Variants in UTP11 observed in about 807,000 individuals in gnomAD.
The protein encoded by UTP11 is probable U3 small nucleolar RNA-associated protein 11.
A neutral mutation model predicts 39.0 loss-of-function variants in UTP11; 29 were observed. The ratio of observed to expected loss-of-function variants is 0.74; its 90% CI spans 0.55 to 1.01. The LOEUF (loss-of-function observed/expected upper bound fraction) is 1.01, where lower values mean the gene tolerates loss of function less well. Among genes scored for constraint, UTP11 ranks in the 50% least tolerant of loss-of-function variants. The pLI, the probability that UTP11 is intolerant of heterozygous loss-of-function variation, is 0.00. For missense variants in UTP11, 281 were observed against 306.0 expected (o/e 0.92, Z 0.61); for synonymous variants, 111 against 105.0 (o/e 1.06, Z -0.35).
intron 6 of UTP11, among the ~76,000 whole-genome samples, chr1:38,019,681 G>A (rs1000085597): frequency 6.6e-6 from 1 of 151,994 alleles, no homozygotes; most frequent in Non-Finnish European, 1.5e-5. Flanking sequence ...ATGGGGTTTC[G>A]CCATGTTGGC....
At chr1:38,018,260 G>A (rs377721756) in intron 3 of UTP11, among the ~76,000 whole-genome samples, 8 of 151,926 alleles carry the variant, frequency 5.3e-5, no homozygotes, top group African/African-American at 1.7e-4. Flanking sequence ...TAGTAGAGAC[G>A]GGGTTTCACC....
intron 6 of UTP11, among the ~76,000 whole-genome samples, chr1:38,020,547 TA>T (rs1007102537): frequency 1.3e-5 from 2 of 151,250 alleles, no homozygotes. Context: ...ACTGATTCAT[TA>T]AAAAAAAATG....
In UTP11 at chr1:38,018,504, C is replaced by T. The variant is rs747394464; in HGVS notation, c.269C>T (p.Thr90Ile). The T allele has an allele frequency of 1.2e-6, 2 of 1,613,696 alleles. No homozygotes were observed. The highest frequency in any genetic ancestry group is 2.7e-5 in the African/African-American group (2 of 74,948). ...HIIKETKEEV[T>I]PEQLKLMRTQ... Reference sequence around the variant, plus strand: ...ATTAAGGAGACTAAGGAAGAAGTAACCCCAGAACAACTAAAGCTGATGAGA... The same window carrying T: ...ATTAAGGAGACTAAGGAAGAAGTAATCCCAGAACAACTAAAGCTGATGAGA... The change falls in exon 4 of 8, where the codon ACC (threonine) becomes ATC (isoleucine). Residue 90 changes from threonine (T) to isoleucine (I), a missense_variant. Coordinates refer to ENST00000373014, the MANE Select transcript of UTP11 (RefSeq NM_016037.4).
rs771432658 is a variant in UTP11 at position 38,017,746 on chromosome 1, C to A, written c.204C>A (p.Tyr68Ter). ...AAAAAAATCCAGATGAATTCTACTA[C>A]AAAATGACTCGGGTTAAACTCCAGG... ...ALEKNPDEFY[Y>*]KMTRVKLQDG... The change falls in exon 3 of 8, where the codon TAC (tyrosine) becomes TAA (stop). Residue 68 changes from tyrosine to a stop codon, truncating the protein, a stop_gained. Transcript: ENST00000373014. LOFTEE classifies it high-confidence loss of function. The A allele has an allele frequency of 6.2e-7, 1 of 1,609,238 alleles. No individual in the cohort carries two copies. The highest frequency in any genetic ancestry group is 1.1e-5 in the South Asian group (1 of 90,674).
intron 2 of UTP11, chr1:38,016,855 A>C (rs1646709928): frequency 5.9e-6 from 1 of 169,236 alleles, no homozygotes; most frequent in African/African-American, 2.4e-5. Flanking sequence ...GTGGGTGATA[A>C]TGAACTCTGA....
At chr1:38,017,522 A>G in intron 2 of UTP11, 146 bp from the exon 3 acceptor site, 1 of 586,542 alleles carries the variant, frequency 1.7e-6, no homozygotes, top group Non-Finnish European at 3.0e-6. Flanking sequence ...GAGTGTCCAG[A>G]TCCAGTCAGT....
Position 38,022,679 on chromosome 1 carries a change from T to C in UTP11, c.568-20T>C. On this transcript the variant is annotated intron_variant, in intron 6 of 7. Transcript: ENST00000373014. ...TGTCCTGTTCATTGTTCACTGAGAA[T>C]GTGTGTGTTTCTTCTCCAGCGAATA... The C allele has an allele frequency of 6.5e-7, 1 of 1,546,242 alleles. No individual in the cohort carries two copies. The highest frequency in any genetic ancestry group is 1.1e-5 in the South Asian group (1 of 89,248).
In UTP11 at chr1:38,018,571, A is replaced by G. The variant is rs774331804; in HGVS notation, c.336A>G (p.Glu112=). ...ATATAGAAATGAAGAGGGTTGCAGA[A>G]GCTAAGGTAATTCACTCTTTGTTCT... is the stretch of plus-strand genomic sequence containing the variant. ...VKYIEMKRVA[E]AKKIERLKSE... Residue 112 remains glutamate, a synonymous_variant, in exon 4 of 8, where the codon GAA becomes GAG. Coordinates refer to ENST00000373014, the MANE Select transcript of UTP11 (RefSeq NM_016037.4). The G allele has an allele frequency of 6.2e-7, 1 of 1,608,976 alleles. No homozygotes were observed. Among genetic ancestry groups the G allele is most frequent in the African/African-American group, 1.3e-5 (1 of 74,774 alleles).
intron 4 of UTP11, 72 bp downstream of exon 4, chr1:38,018,649 T>C: frequency 8.8e-7 from 1 of 1,138,194 alleles, no homozygotes; most frequent in South Asian, 1.4e-5. Flanking sequence ...TCTCAAGTTA[T>C]TCATTAATTT....
chr1:38,015,263 C>T (rs535400829), intron 1 of UTP11, among the ~76,000 whole-genome samples: 22 of 152,132 alleles, frequency 1.4e-4, no homozygotes, highest in Non-Finnish European at 2.8e-4. Context: ...CTCAGATGCC[C>T]CACCCACCGT....
chr1:38,021,435 T>TG (rs1646737094), intron 6 of UTP11, among the ~76,000 whole-genome samples: 1 of 152,210 alleles, frequency 6.6e-6, no homozygotes. Context: ...AGACTGCTGG[T>TG]GGGTGGATTG....
At chr1:38,023,463 T>G in intron 7 of UTP11, 82 bp from the exon 8 acceptor site, 1 of 1,237,144 alleles carries the variant, frequency 8.1e-7, no homozygotes, top group Non-Finnish European at 1.2e-6. Flanking sequence ...CTGAAGCAGG[T>G]GCTAATAGGT....
chr1:38,018,547 T>G lies in UTP11; in HGVS notation c.312T>G (p.Tyr104Ter). 6.2e-7 allele frequency: 1 copy of G among 1,613,750 alleles called. No homozygotes were observed. The highest frequency in any genetic ancestry group is 8.5e-7 in the Non-Finnish European group (1 of 1,179,852). Residue 104 changes from tyrosine to a stop codon, truncating the protein, a stop_gained, in exon 4 of 8, where the codon TAT becomes TAG. Transcript: ENST00000373014. LOFTEE classifies it high-confidence loss of function. Reference sequence around the variant, plus strand: ...TGATGAGAACTCAGGACGTCAAATATATAGAAATGAAGAGGGTTGCAGAAG... The same window carrying G: ...TGATGAGAACTCAGGACGTCAAATAGATAGAAATGAAGAGGGTTGCAGAAG... ...LKLMRTQDVK[Y>*]IEMKRVAEAK...
In UTP11 at chr1:38,023,826, G is replaced by T; in HGVS notation, c.*198G>T. On this transcript the variant is annotated 3_prime_UTR_variant, in exon 8 of 8. Transcript: ENST00000373014. ...TAATTGTTTTTGGATTGTGAAATTA[G>T]TCTTATTTTTATATACTTAATTTTT... 2.3e-6 allele frequency: 1 copy of T among 435,182 alleles called. No homozygotes were observed. Among genetic ancestry groups the T allele is most frequent in the Non-Finnish European group, 4.0e-6 (1 of 250,936 alleles). 27.0% of individuals were successfully genotyped at this position (435,182 alleles called of 1,614,324 possible). A position where few individuals can be genotyped will look rare whatever the true frequency, so the allele number is the denominator to read the frequency against.
intron 2 of UTP11, 63 bp downstream of exon 2, chr1:38,016,483 C>T: frequency 1.3e-6 from 2 of 1,546,848 alleles, no homozygotes; most frequent in East Asian, 4.5e-5. Flanking sequence ...TGCACTGCAG[C>T]TGAATTGCCT....
chr1:38,019,415 C>A (rs201425543), intron 6 of UTP11, 32 bp downstream of exon 6: 8 of 1,481,130 alleles, frequency 5.4e-6, no homozygotes, highest in Non-Finnish European at 7.2e-6. Flanking sequence ...CACATGTGAG[C>A]TTAGGGGAAT....
rs1192024769 is a variant in UTP11 at position 38,023,600 on chromosome 1, A to G, written c.734A>G (p.Tyr245Cys). 1.9e-6 allele frequency: 3 copies of G among 1,611,072 alleles called. No homozygotes were observed. The highest frequency in any genetic ancestry group is 2.5e-6 in the Non-Finnish European group (3 of 1,178,866). ...KKETVNSPAI[Y>C]KFQSRRKR ...GAAACGGTGAACTCCCCAGCTATTT[A>G]TAAATTTCAGAGTCGTCGAAAACGT... Residue 245 changes from tyrosine (Y) to cysteine (C), a missense_variant, in exon 8 of 8, where the codon TAT (tyrosine) becomes TGT (cysteine). By Grantham distance (194) the Tyr-to-Cys change is radical. Coordinates refer to ENST00000373014, the MANE Select transcript of UTP11 (RefSeq NM_016037.4).
intron 6 of UTP11, 60 bp downstream of exon 6, chr1:38,019,443 GTTTT>G (rs869306672): frequency 3.1e-6 from 3 of 956,132 alleles, no homozygotes; most frequent in Non-Finnish European, 4.1e-6. Flanking sequence ...TTTTTTTTTT[GTTTT>G]TTTTTTTTTG....
At chr1:38,021,872 G>A (rs955086356) in intron 6 of UTP11, among the ~76,000 whole-genome samples, 5 of 150,902 alleles carry the variant, frequency 3.3e-5, no homozygotes, top group Admixed American at 6.6e-5. Flanking sequence ...CAGCCTGGGC[G>A]ACAGAGCAAG....
Sources: gnomAD v4.1 joint callset for allele counts (sites outside exome capture counted in the v4.1 genomes callset) on GRCh38, gnomAD v4.1.1 for gene constraint, MANE v1.5 for transcripts, NCBI Gene and HGNC (gene_info 2026-07-23, HGNC 2026-07-21) for gene names.